BAZ1A: variants seen among roughly 807,000 people sequenced by gnomAD.
BAZ1A encodes bromodomain adjacent to zinc finger domain protein 1A.
In BAZ1A, 50 loss-of-function variants were observed where a neutral mutation model predicts 185.2. That is an observed-to-expected ratio of 0.27 (90% confidence interval 0.22 to 0.34). The LOEUF (loss-of-function observed/expected upper bound fraction) is 0.34. BAZ1A is among the 10% of genes least tolerant of loss of function. The probability of loss-of-function intolerance (pLI) is 1.00; values close to 1 mark genes in which losing one functional copy is unlikely to be tolerated. For missense variants in BAZ1A, 1,356 were observed against 1,839.9 expected (o/e 0.74, Z 4.81); for synonymous variants, 571 against 615.6 (o/e 0.93, Z 1.07).
In BAZ1A at chr14:34,793,657, A is replaced by G. The variant is rs552429558; in HGVS notation, c.1364-736T>C. On this transcript the variant is annotated intron_variant, in intron 11 of 26. Transcript: ENST00000360310. ...CCTCATCTCTACTAAAAATACAAAA[A>G]AATTGGGCCAGGTGTGGTGGCTCAC... is the stretch of plus-strand genomic sequence containing the variant. 5.3e-5 allele frequency among the ~76,000 whole-genome samples: 8 copies of G among 152,308 alleles called. No homozygotes were observed. The South Asian group carries it at 1.7e-3, about 32-fold the overall frequency.
chr14:34,849,355 T>C (rs1178524793), intron 3 of BAZ1A, among the ~76,000 whole-genome samples: 4 of 152,174 alleles, frequency 2.6e-5, no homozygotes, highest in African/African-American at 9.7e-5. Flanking sequence ...TCCAAACCAT[T>C]ACTAAGTGAA....
At chr14:34,827,132 T>A (rs1380069936) in intron 3 of BAZ1A, among the ~76,000 whole-genome samples, 2 of 152,180 alleles carry the variant, frequency 1.3e-5, no homozygotes, top group Non-Finnish European at 2.9e-5. Context: ...TCTGTCTCTC[T>A]GGAAAACTCT....
chr14:34,860,204 A>G (rs2042745080), intron 3 of BAZ1A, among the ~76,000 whole-genome samples: 2 of 152,036 alleles, frequency 1.3e-5, no homozygotes, highest in Non-Finnish European at 2.9e-5. Context: ...AGGCACAATC[A>G]CCAATTATGA....
At chr14:34,869,775 C>T (rs371670645) in intron 2 of BAZ1A, among the ~76,000 whole-genome samples, 1 of 152,142 alleles carries the variant, frequency 6.6e-6, no homozygotes, top group Admixed American at 6.6e-5. Flanking sequence ...GAGCTGGAGT[C>T]TATTTCATGA....
At chr14:34,867,103 C>A (rs1035364790) in intron 2 of BAZ1A, among the ~76,000 whole-genome samples, 1 of 151,846 alleles carries the variant, frequency 6.6e-6, no homozygotes, top group African/African-American at 2.4e-5. Context: ...ACTAAAAATA[C>A]AAATAATTAG....
intron 3 of BAZ1A, among the ~76,000 whole-genome samples, chr14:34,830,663 A>G (rs1251844786): frequency 3.3e-5 from 5 of 152,188 alleles, no homozygotes; most frequent in Non-Finnish European, 7.3e-5. Context: ...TGTGAAATAT[A>G]TCTCAATAAA....
intron 2 of BAZ1A, among the ~76,000 whole-genome samples, chr14:34,866,885 A>G (rs2042869882): frequency 6.6e-6 from 1 of 152,096 alleles, no homozygotes. Context: ...AAATAACCCA[A>G]TATATCACAA....
At chr14:34,820,176 G>A (rs141712529) in intron 4 of BAZ1A, among the ~76,000 whole-genome samples, 50 of 144,392 alleles carry the variant, frequency 3.5e-4, no homozygotes, top group African/African-American at 1.0e-3. Context: ...CACCCAGGCC[G>A]GAGTGCAGTG....
chr14:34,823,458 G>A (rs977274189), intron 4 of BAZ1A, among the ~76,000 whole-genome samples: 5 of 151,742 alleles, frequency 3.3e-5, no homozygotes, highest in African/African-American at 4.8e-5. Context: ...TCAGGAGTTC[G>A]AGACCAGCCT....
chr14:34,871,549 C>A (rs2138845831), intron 2 of BAZ1A, among the ~76,000 whole-genome samples: 1 of 152,316 alleles, frequency 6.6e-6, no homozygotes, highest in South Asian at 2.1e-4. Context: ...GTCACTGTCT[C>A]AAAGAGTTCA....
At position 34,753,609 on chromosome 14, in the gene BAZ1A, C is replaced by T. The variant is rs752807092; in HGVS notation, c.4570G>A (p.Ala1524Thr). 1 of 1,614,068 alleles carries T rather than the reference C, an allele frequency of 6.2e-7. No individual in the cohort carries two copies. Among genetic ancestry groups the T allele is most frequent in the Non-Finnish European group, 8.5e-7 (1 of 1,179,980 alleles). ...TTTTGAGCCTGAATATGAAAAAATG[C>T]TTGAAGCCTAGTTCCAGCTTTTGCT... ...SEAKAGTRLQ[A>T]FFHIQAQKLG... The change falls in exon 27 of 27, where the codon GCA becomes ACA. Residue 1524 changes from alanine (A) to threonine (T), a missense_variant. By Grantham distance (58) the Ala-to-Thr change is moderately conservative. Coordinates refer to ENST00000360310, the MANE Select transcript of BAZ1A (RefSeq NM_013448.3).
chr14:34,800,122 GAATGAAAGTAGTAA>G (rs936790580), intron 9 of BAZ1A, 88 bp downstream of exon 9: 2 of 1,123,676 alleles, frequency 1.8e-6, no homozygotes, highest in African/African-American at 3.2e-5. Flanking sequence ...TCATAAATGT[GAATGAAAGTAGTAA>G]AAGCATTTAA....
At position 34,874,443 on chromosome 14, in the gene BAZ1A, G is replaced by A. The variant is rs753017164; in HGVS notation, c.113+49C>T. 3 of 1,498,862 alleles carry A rather than the reference G, an allele frequency of 2.0e-6. No individual in the cohort carries two copies. Among genetic ancestry groups the A allele is most frequent in the East Asian group, 4.6e-5 (2 of 43,370 alleles). 92.8% of individuals were successfully genotyped at this position (1,498,862 alleles called of 1,614,324 possible). A position where few individuals can be genotyped will look rare whatever the true frequency, so the allele number is the denominator to read the frequency against. ...AGGAGAGAGACAAAAGAGCGCTGCG[G>A]GGGGAGTCCCCACACCCCCCGCGGC... On this transcript the variant is annotated intron_variant, in intron 2 of 26. Coordinates refer to ENST00000360310, the MANE Select transcript of BAZ1A (RefSeq NM_013448.3). This position sits in a 1 kb window ranked among gnomAD's most constrained non-coding sequence, Gnocchi z 4.7.
At chr14:34,793,652 CA>C (rs906145072) in intron 11 of BAZ1A, among the ~76,000 whole-genome samples, 2 of 151,790 alleles carry the variant, frequency 1.3e-5, no homozygotes, top group Non-Finnish European at 2.9e-5. Flanking sequence ...ACTAAAAATA[CA>C]AAAAAATTGG....
Position 34,785,808 on chromosome 14 carries a change from C to T in BAZ1A, c.1800G>A (p.Leu600=). 2 of 1,614,008 alleles carry T rather than the reference C, an allele frequency of 1.2e-6. No homozygotes were observed. The highest frequency in any genetic ancestry group is 1.1e-5 in the South Asian group (1 of 91,084). Residue 600 remains leucine, a synonymous_variant, in exon 14 of 27, where the codon CTG becomes CTA. Transcript: ENST00000360310. ...TCAAATCATACACTGAGGTGCTTGACAGTTTCTTCACTAGACTGGGATTGC... is the reference window on the plus strand; with the variant it reads ...TCAAATCATACACTGAGGTGCTTGATAGTTTCTTCACTAGACTGGGATTGC... ...RLSNPSLVKK[L]SSTSVYDLTP...
chr14:34,824,020 C>T (rs2042125274), intron 4 of BAZ1A, among the ~76,000 whole-genome samples: 1 of 151,830 alleles, frequency 6.6e-6, no homozygotes, highest in Non-Finnish European at 1.5e-5. Context: ...GCATCCCAAA[C>T]CCTATATTTA....
At chr14:34,854,681 C>T (rs1479145170) in intron 3 of BAZ1A, among the ~76,000 whole-genome samples, 1 of 152,140 alleles carries the variant, frequency 6.6e-6, no homozygotes, top group Non-Finnish European at 1.5e-5. Context: ...TGTCATTTGT[C>T]CAACAAAGTC....
chr14:34,783,479 G>A, intron 15 of BAZ1A, among the ~76,000 whole-genome samples: 1 of 145,908 alleles, frequency 6.9e-6, no homozygotes, highest in South Asian at 2.2e-4. Flanking sequence ...GGGATTACAG[G>A]CATGCACCAC....
At chr14:34,805,476 G>C (rs946657974) in intron 6 of BAZ1A, among the ~76,000 whole-genome samples, 9 of 152,238 alleles carry the variant, frequency 5.9e-5, no homozygotes, top group African/African-American at 1.9e-4. Flanking sequence ...CAAATTAGAG[G>C]AATTGGCCAA....
Sources: allele counts gnomAD v4.1 joint callset (sites outside exome capture counted in the v4.1 genomes callset), GRCh38; gene constraint gnomAD v4.1.1; non-coding constraint Gnocchi (gnomAD v3.1); transcripts MANE v1.5; gene names NCBI Gene and HGNC (gene_info 2026-07-23, HGNC 2026-07-21).